The following GNA14 variants were observed in gnomAD, a reference collection of about 807,000 sequenced individuals.
GNA14 encodes the protein guanine nucleotide-binding protein subunit alpha-14.
A neutral mutation model predicts 42.0 loss-of-function variants in GNA14; 50 were observed. That is an observed-to-expected ratio of 1.19 (90% CI 0.95 to 1.51). The LOEUF (loss-of-function observed/expected upper bound fraction) is 1.51. GNA14 is among the 40% of genes most tolerant of loss of function. The pLI, the probability that GNA14 is intolerant of heterozygous loss-of-function variation, is 0.00. For missense variants in GNA14, 473 were observed against 446.2 expected, an observed-to-expected ratio of 1.06 and a Z score of -0.54; for synonymous variants, 173 against 163.1, an observed-to-expected ratio of 1.06 and a Z score of -0.46.
At chr9:77,443,126 C>G (rs533092512) in intron 2 of GNA14, among the ~76,000 whole-genome samples, 3 of 152,266 alleles carry the variant, frequency 2.0e-5, no homozygotes, top group Admixed American at 2.0e-4. Flanking sequence ...ATACCTCTCT[C>G]ACTGATAGTG....
intron 1 of GNA14, among the ~76,000 whole-genome samples, chr9:77,644,583 G>A (rs1312645345): frequency 2.0e-5 from 3 of 152,036 alleles, no homozygotes; most frequent in Non-Finnish European, 4.4e-5. Flanking sequence ...CCAACACCTT[G>A]CTCTTGGACT....
intron 2 of GNA14, among the ~76,000 whole-genome samples, chr9:77,441,531 A>G (rs1835735092): frequency 6.6e-6 from 1 of 152,194 alleles, no homozygotes; most frequent in Admixed American, 6.5e-5. Flanking sequence ...GATAATAAAA[A>G]CTTACTATTT....
chr9:77,552,691 G>A (rs1004404842), intron 1 of GNA14, among the ~76,000 whole-genome samples: 8 of 152,154 alleles, frequency 5.3e-5, no homozygotes, highest in African/African-American at 1.2e-4. Context: ...AGGACCTACC[G>A]TTGTAGCCTT....
At chr9:77,597,642 T>C (rs1258552026) in intron 1 of GNA14, among the ~76,000 whole-genome samples, 1 of 151,312 alleles carries the variant, frequency 6.6e-6, no homozygotes, top group Non-Finnish European at 1.5e-5. Context: ...TGCCATACTT[T>C]AAAAAAAGTG....
chr9:77,456,782 T>C (rs1454736126), intron 2 of GNA14, among the ~76,000 whole-genome samples: 1 of 152,166 alleles, frequency 6.6e-6, no homozygotes, highest in East Asian at 1.9e-4. Context: ...ATAAATATAA[T>C]ATAGTTATTG....
chr9:77,549,026 G>A (rs996669879), intron 1 of GNA14, among the ~76,000 whole-genome samples: 7 of 151,400 alleles, frequency 4.6e-5, no homozygotes, highest in Admixed American at 2.6e-4. Context: ...TGCAACCTCC[G>A]TCTCCTGGGT....
intron 2 of GNA14, among the ~76,000 whole-genome samples, chr9:77,453,565 A>G (rs868387146): frequency 6.6e-6 from 1 of 152,242 alleles, no homozygotes; most frequent in African/African-American, 2.4e-5. Flanking sequence ...ACAGTTCATG[A>G]AAATGTGTAA....
chr9:77,525,075 A>G (rs1319587238), intron 2 of GNA14, among the ~76,000 whole-genome samples: 1 of 152,178 alleles, frequency 6.6e-6, no homozygotes, highest in East Asian at 1.9e-4. Flanking sequence ...ACTATTCTCA[A>G]CTGTATTCTT....
At chr9:77,609,571 T>C (rs1823697528) in intron 1 of GNA14, among the ~76,000 whole-genome samples, 1 of 152,196 alleles carries the variant, frequency 6.6e-6, no homozygotes, top group South Asian at 2.1e-4. Context: ...AAAATACTCC[T>C]AACAAAATAC....
At chr9:77,551,438 T>C (rs1179806573) in intron 1 of GNA14, among the ~76,000 whole-genome samples, 1 of 152,150 alleles carries the variant, frequency 6.6e-6, no homozygotes, top group African/African-American at 2.4e-5. Context: ...GAAGTACATC[T>C]TGCAGCAGGC....
chr9:77,498,102 A>C (rs1364378746), intron 2 of GNA14, among the ~76,000 whole-genome samples: 1 of 152,172 alleles, frequency 6.6e-6, no homozygotes, highest in Non-Finnish European at 1.5e-5. Flanking sequence ...TGTCGGGCTC[A>C]GTGGCTCACG....
Position 77,597,199 on chromosome 9 carries a change from G to A in GNA14, c.124+50471C>T, listed in dbSNP as rs181978161. 5.1e-4 allele frequency among the ~76,000 whole-genome samples: 77 copies of A among 152,304 alleles called. 1 individual carries two copies. The highest frequency in any genetic ancestry group is 1.7e-3 in the African/African-American group (72 of 41,578). On this transcript the variant is annotated intron_variant, in intron 1 of 6. Transcript: ENST00000341700. ...GTGGAGTTTGTTGAACAATGTTACAGCTATTGGCAGCACTCCCAACAAACA... is the reference window on the plus strand; with the variant it reads ...GTGGAGTTTGTTGAACAATGTTACAACTATTGGCAGCACTCCCAACAAACA...
At chr9:77,541,538 G>C (rs1837661383) in intron 1 of GNA14, among the ~76,000 whole-genome samples, 1 of 152,090 alleles carries the variant, frequency 6.6e-6, no homozygotes, top group Non-Finnish European at 1.5e-5. Context: ...CATTGTATCT[G>C]TTTGAGCATC....
chr9:77,587,019 G>T, intron 1 of GNA14, among the ~76,000 whole-genome samples: 1 of 149,636 alleles, frequency 6.7e-6, no homozygotes. Flanking sequence ...TTTGGGGGCT[G>T]CTTTTTATTA....
intron 1 of GNA14, among the ~76,000 whole-genome samples, chr9:77,603,360 T>C (rs1409085162): frequency 6.6e-6 from 1 of 152,080 alleles, no homozygotes; most frequent in African/African-American, 2.4e-5. Context: ...AGTTCCAGGG[T>C]AAGCCTGGAA....
intron 1 of GNA14, among the ~76,000 whole-genome samples, chr9:77,633,979 G>A (rs13289616): frequency 0.24 from 37,060 of 152,024 alleles, 6,404 homozygotes; most frequent in African/African-American, 0.48. Flanking sequence ...CATTAGGTAT[G>A]ACAGAAAAAG....
chr9:77,515,779 C>T (rs140321469), intron 2 of GNA14, among the ~76,000 whole-genome samples: 3 of 151,722 alleles, frequency 2.0e-5, no homozygotes, highest in African/African-American at 7.3e-5. Flanking sequence ...GCCTGGGCAA[C>T]ATAGGGAGAC....
At chr9:77,464,005 G>T (rs1387905094) in intron 2 of GNA14, among the ~76,000 whole-genome samples, 1 of 152,086 alleles carries the variant, frequency 6.6e-6, no homozygotes, top group African/African-American at 2.4e-5. Flanking sequence ...TGTTGTTGTT[G>T]TTTTTGTTTT....
At chr9:77,460,853 G>A (rs553247487) in intron 2 of GNA14, among the ~76,000 whole-genome samples, 5 of 152,266 alleles carry the variant, frequency 3.3e-5, no homozygotes, top group Admixed American at 6.5e-5. Context: ...GTCCAGTGTC[G>A]TTGACTTTGT....
Sources: allele counts gnomAD v4.1 joint callset (sites outside exome capture counted in the v4.1 genomes callset), GRCh38; gene constraint gnomAD v4.1.1; transcripts MANE v1.5; gene names NCBI Gene and HGNC (gene_info 2026-07-23, HGNC 2026-07-21).